Variants in ENTPD2 observed in about 807,000 individuals in gnomAD.
ENTPD2 encodes the protein CD39 antigen-like 1.
Under a neutral mutation model 46.8 loss-of-function variants are expected in ENTPD2, and 48 were observed. The observed-to-expected ratio is 1.03, with a 90% CI of 0.81 to 1.30. The LOEUF (loss-of-function observed/expected upper bound fraction) is 1.30, where lower values mean the gene tolerates loss of function less well. Among genes scored for constraint, ENTPD2 ranks in the 50% most tolerant of loss-of-function variants. ENTPD2 has a pLI of 0.00. For synonymous variants in ENTPD2, 316 were observed against 286.1 expected (o/e 1.10, Z -1.06); for missense variants, 707 against 651.1 (o/e 1.09, Z -0.93).
Position 137,048,940 on chromosome 9 carries a change from C to A in ENTPD2, c.1284+1G>T, listed in dbSNP as rs886188261. ...CCCCGCCCCGCCCCGCCCCAGCCCA[C>A]CTTCTTCTGGAAGATCACGCCGCCG... On this transcript the variant is annotated splice_donor_variant, in intron 8 of 8. Transcript: ENST00000355097. LOFTEE classifies it high-confidence loss of function. 19 of 1,527,362 alleles carry A rather than the reference C, an allele frequency of 1.2e-5. No homozygotes were observed. Among genetic ancestry groups the A allele is most frequent in the Non-Finnish European group, 1.6e-5 (18 of 1,140,514 alleles). 94.6% of individuals were successfully genotyped at this position (1,527,362 alleles called of 1,614,324 possible). A position where few individuals can be genotyped will look rare whatever the true frequency, so the allele number is the denominator to read the frequency against.
chr9:137,049,054 G>T lies in ENTPD2; in HGVS notation c.1171C>A (p.Gln391Lys). 1 of 1,534,048 alleles carries T rather than the reference G, an allele frequency of 6.5e-7. No individual in the cohort carries two copies. The highest frequency in any genetic ancestry group is 8.7e-7 in the Non-Finnish European group (1 of 1,144,856). ...CAGTAGTCGGCCAGGCGGGCCCGTT[G>T]CCCTGGCACCCGAGCTTGCAGCTGG... ...WAQLQARVPG[Q>K]RARLADYCAG... The change falls in exon 8 of 9, where the codon CAA (glutamine) becomes AAA (lysine). Residue 391 changes from glutamine to lysine, a missense_variant. Gln to Lys is a moderately conservative substitution (Grantham distance 53). Transcript: ENST00000355097.
Position 137,048,648 on chromosome 9 carries a change from C to A in ENTPD2, c.*9G>T. Reference sequence around the variant, plus strand: ...GGGGGAGGGATGGGGCAGCTGCCCCCGTCGGCCCCTAAATGGTGCTTGGCA... The same window carrying A: ...GGGGGAGGGATGGGGCAGCTGCCCCAGTCGGCCCCTAAATGGTGCTTGGCA... On this transcript the variant is annotated 3_prime_UTR_variant, in exon 9 of 9. Transcript: ENST00000355097. The A allele has an allele frequency of 6.4e-7, 1 of 1,565,446 alleles. No homozygotes were observed. The highest frequency in any genetic ancestry group is 8.6e-7 in the Non-Finnish European group (1 of 1,157,484).
chr9:137,048,700 A>T lies in ENTPD2; in HGVS notation c.1445T>A (p.Leu482Gln), dbSNP rs773406935. The part of the protein sequence containing the change: ...ASALLAALVL[L>Q]LRQVHSAKLP... ...CTTGGCGGAGTGCACCTGACGCAGC[A>T]GCAGGACAAGCGCAGCCAGGAGCGC... The change falls in exon 9 of 9, where the codon CTG (leucine) becomes CAG (glutamine). Residue 482 changes from leucine (L) to glutamine (Q), a missense_variant. Physicochemically the swap from Leu to Gln is moderately radical, Grantham distance 113. Coordinates refer to ENST00000355097, the MANE Select transcript of ENTPD2 (RefSeq NM_203468.3). 3 of 1,605,796 alleles carry T rather than the reference A, an allele frequency of 1.9e-6. No individual in the cohort carries two copies. The highest frequency in any genetic ancestry group is 2.5e-6 in the Non-Finnish European group (3 of 1,177,080).
At chr9:137,049,333 A>G (rs1370750937) in intron 7 of ENTPD2, 1 of 691,202 alleles carries the variant, frequency 1.4e-6, no homozygotes, top group Non-Finnish European at 2.6e-6. Flanking sequence ...CATGGCCACC[A>G]GGGAGCAGGA....
In ENTPD2 at chr9:137,048,554, G is replaced by A; in HGVS notation, c.*103C>T. The A allele has an allele frequency of 1.1e-6, 1 of 931,796 alleles. No individual in the cohort carries two copies. The highest frequency in any genetic ancestry group is 3.0e-5 in the East Asian group (1 of 33,198). 57.7% of individuals were successfully genotyped at this position (931,796 alleles called of 1,614,324 possible). ...TTGGGAGAGGGGTGGGTGGAGGGGT[G>A]GGGATACAGGGGTGGGAGGTACAGG... On this transcript the variant is annotated 3_prime_UTR_variant, in exon 9 of 9. Transcript: ENST00000355097.
Position 137,048,528 on chromosome 9 carries a change from G to C in ENTPD2, c.*129C>G. 1.5e-6 allele frequency: 1 copy of C among 684,662 alleles called. No homozygotes were observed. The highest frequency in any genetic ancestry group is 1.9e-5 in the South Asian group (1 of 53,342). 42.4% of individuals were successfully genotyped at this position (684,662 alleles called of 1,614,324 possible). On this transcript the variant is annotated 3_prime_UTR_variant, in exon 9 of 9. Transcript: ENST00000355097. ...GCAGGATACAGGGGCGGGGAGAGAG[G>C]TTGGGAGAGGGGTGGGTGGAGGGGT...
chr9:137,049,602 G>A, intron 7 of ENTPD2: 1 of 481,282 alleles, frequency 2.1e-6, no homozygotes, highest in South Asian at 2.4e-5. Flanking sequence ...GGGAACCAGT[G>A]GCAGAAGCCA....
Position 137,053,977 on chromosome 9 carries a change from T to A in ENTPD2, c.21A>T (p.Ser7=). The change falls in exon 1 of 9, where the codon TCA becomes TCT. Residue 7 remains serine, a synonymous_variant. Transcript: ENST00000355097. ...CGGCCAGCAGCAGCGGCGGCAGCAGTGACCGCACCTTCCCGGCCATGGGCG... is the reference window on the plus strand; with the variant it reads ...CGGCCAGCAGCAGCGGCGGCAGCAGAGACCGCACCTTCCCGGCCATGGGCG... MAGKVR[S]LLPPLLLAAA... 8.3e-7 allele frequency: 1 copy of A among 1,206,270 alleles called. No individual in the cohort carries two copies. Among genetic ancestry groups the A allele is most frequent in the South Asian group, 4.1e-5 (1 of 24,272 alleles). 74.7% of individuals were successfully genotyped at this position (1,206,270 alleles called of 1,614,324 possible).
At chr9:137,052,633 GAGTC>G (rs1351978005) in intron 1 of ENTPD2, 2 of 295,612 alleles carry the variant, frequency 6.8e-6, no homozygotes, top group Non-Finnish European at 1.3e-5. Flanking sequence ...CTGAGGGACT[GAGTC>G]AGGGACAGAG....
rs7041887 is a variant in ENTPD2 at position 137,052,437 on chromosome 9, C to G, written c.118-89G>C. ...CGTGAAGTTGGGTTCCTCCAGTTTGCCACCGCTCCCCCCCCCACCCAGTCA... is the reference window on the plus strand; with the variant it reads ...CGTGAAGTTGGGTTCCTCCAGTTTGGCACCGCTCCCCCCCCCACCCAGTCA... On this transcript the variant is annotated intron_variant, in intron 1 of 8. Transcript: ENST00000355097. The G allele has an allele frequency of 8.9e-3, 8,675 of 976,378 alleles. 444 individuals carry two copies. The African/African-American group carries it at 0.17, about 19-fold the overall frequency. The allele number at this position is 976,378 out of a possible 1,614,324, so 60.5% of individuals were successfully genotyped here.
intron 5 of ENTPD2, 59 bp downstream of exon 5, chr9:137,050,843 T>C (rs1588555140): frequency 1.3e-6 from 2 of 1,564,192 alleles, no homozygotes; most frequent in African/African-American, 1.3e-5. Context: ...ACAGTGGCTG[T>C]CCAGGCTCTG....
intron 3 of ENTPD2, 39 bp from the exon 4 acceptor site, chr9:137,051,409 G>C: frequency 1.3e-6 from 2 of 1,539,180 alleles, no homozygotes; most frequent in Non-Finnish European, 8.8e-7. Flanking sequence ...CTTCTCCCCA[G>C]GTGGCTGTGA....
rs888378828 is a variant in ENTPD2, at chr9:137,051,455, G to T, written c.386+55C>A. 1.2e-5 allele frequency: 18 copies of T among 1,547,838 alleles called. No homozygotes were observed. The Admixed American group carries it at 3.2e-4, about 28-fold the overall frequency. On this transcript the variant is annotated intron_variant, in intron 3 of 8. Transcript: ENST00000355097. ...GGGGTGCTCGGAGTCCGCCCTGCAAGGGGTCACAGCCAAAGGCCATCATGG... is the reference window on the plus strand; with the variant it reads ...GGGGTGCTCGGAGTCCGCCCTGCAATGGGTCACAGCCAAAGGCCATCATGG...
intron 2 of ENTPD2, among the ~76,000 whole-genome samples, 165 bp from the exon 3 acceptor site, chr9:137,051,825 C>T (rs1300145514): frequency 1.3e-5 from 2 of 152,198 alleles, no homozygotes; most frequent in Non-Finnish European, 2.9e-5. Context: ...CAAAGGGGCC[C>T]AGGTGCCACC....
At position 137,048,970 on chromosome 9, in the gene ENTPD2, C is replaced by T. The variant is rs566715987; in HGVS notation, c.1255G>A (p.Ala419Thr). ...LSRGYGFDER[A>T]FGGVIFQKKA... ...TTCTGGAAGATCACGCCGCCGAAGG[C>T]GCGCTCGTCGAAGCCGTAGCCGCGA... Residue 419 changes from alanine (A) to threonine (T), a missense_variant, in exon 8 of 9, where the codon GCC (alanine) becomes ACC (threonine). By Grantham distance (58) the Ala-to-Thr change is moderately conservative (BLOSUM62 0). Coordinates refer to ENST00000355097, the MANE Select transcript of ENTPD2 (RefSeq NM_203468.3). 2.6e-6 allele frequency: 4 copies of T among 1,533,252 alleles called. No homozygotes were observed. The highest frequency in any genetic ancestry group is 2.0e-5 in the Admixed American group (1 of 50,126). The allele number at this position is 1,533,252 out of a possible 1,614,324, so 95.0% of individuals were successfully genotyped here.
rs1832316188 is a variant in ENTPD2, at chr9:137,052,367, G to A, written c.118-19C>T. 1 of 1,300,160 alleles carries A rather than the reference G, an allele frequency of 7.7e-7. No homozygotes were observed. Among genetic ancestry groups the A allele is most frequent in the Non-Finnish European group, 1.1e-6 (1 of 905,334 alleles). The allele number at this position is 1,300,160 out of a possible 1,614,324, so 80.5% of individuals were successfully genotyped here. The stretch of plus-strand genomic sequence containing the variant: ...TGCCATACTGCGGGGGAGGGGGAGG[G>A]AGTCAGCCTGGGGTGTCCGGGGGCC... On this transcript the variant is annotated intron_variant, in intron 1 of 8. Transcript: ENST00000355097.
intron 7 of ENTPD2, 114 bp downstream of exon 7, chr9:137,049,756 G>A (rs973487149): frequency 2.5e-6 from 3 of 1,219,214 alleles, no homozygotes; most frequent in Non-Finnish European, 3.4e-6. Context: ...GCCTGCCATC[G>A]CCCCCACTGC....
chr9:137,053,732 C>G, intron 1 of ENTPD2, 149 bp downstream of exon 1: 1 of 469,776 alleles, frequency 2.1e-6, no homozygotes, highest in Non-Finnish European at 3.4e-6. Flanking sequence ...GCGCAGAGCG[C>G]GGAACCCGGG....
Position 137,051,284 on chromosome 9 carries a change from C to A in ENTPD2, c.473G>T (p.Arg158Leu). 1 of 1,611,012 alleles carries A rather than the reference C, an allele frequency of 6.2e-7. No individual in the cohort carries two copies. The highest frequency in any genetic ancestry group is 8.5e-7 in the Non-Finnish European group (1 of 1,178,726). Residue 158 changes from arginine to leucine, a missense_variant, in exon 4 of 9, where the codon CGC becomes CTC. Coordinates refer to ENST00000355097, the MANE Select transcript of ENTPD2 (RefSeq NM_203468.3). ...CCCCTCTTCCTGGCCCGAGAGGATG[C>A]GTGCACCCCGGAAGTCAAAGGGGTA... Reference protein sequence around the residue: ...TQYPFDFRGARILSGQEEGVF... With the variant: ...TQYPFDFRGALILSGQEEGVF...
Sources: allele counts gnomAD v4.1 joint callset (sites outside exome capture counted in the v4.1 genomes callset), GRCh38; gene constraint gnomAD v4.1.1; transcripts MANE v1.5; gene names NCBI Gene and HGNC (gene_info 2026-07-23, HGNC 2026-07-21).